The following SENP2 variants were observed in gnomAD, a reference collection of about 807,000 sequenced individuals.
The protein encoded by SENP2 is sentrin-specific protease 2.
SENP2 carries 16 observed loss-of-function variants against 86.3 expected under a neutral mutation model. That is an observed-to-expected ratio of 0.19 (90% confidence interval 0.13 to 0.28). The LOEUF is 0.28. Among genes scored for constraint, SENP2 ranks in the 10% least tolerant of loss-of-function variants. The pLI, the probability that SENP2 is intolerant of heterozygous loss-of-function variation, is 1.00. For synonymous variants in SENP2, 222 were observed against 238.7 expected (o/e 0.93, Z 0.64); for missense variants, 552 against 703.0 (o/e 0.79, Z 2.43).
rs74336964 is a variant in SENP2 at position 185,605,747 on chromosome 3, T to C, written c.450-583T>C. 2.7e-3 allele frequency among the ~76,000 whole-genome samples: 407 copies of C among 152,222 alleles called. 1 individual carries two copies. The highest frequency in any genetic ancestry group is 9.3e-3 in the African/African-American group (386 of 41,524). On this transcript the variant is annotated intron_variant, in intron 5 of 16. Transcript: ENST00000296257. ...GAAGGAGGGGCATGATGTCAGTTTG[T>C]TGCATTGTTGGTAATGGCAGGAAAG... is the stretch of plus-strand genomic sequence containing the variant.
rs368635058 is a variant in SENP2, at chr3:185,606,504, C to T, written c.618+6C>T. 6 of 1,565,832 alleles carry T rather than the reference C, an allele frequency of 3.8e-6. No homozygotes were observed. The highest frequency in any genetic ancestry group is 5.2e-6 in the Non-Finnish European group (6 of 1,162,326). ...CCCATTGTACTGTGGAGGAGGTAAG[C>T]CTTTTCAGCTTGATTTCTTTAAAAA... On this transcript the variant is annotated splice_donor_region_variant and intron_variant, in intron 6 of 16. Transcript: ENST00000296257.
rs907170904 is a variant in SENP2 at position 185,628,788 on chromosome 3, G to A, written c.1708-994G>A. On this transcript the variant is annotated intron_variant, in intron 16 of 16. Transcript: ENST00000296257. ...CCCAAAGTGCTGGGATTACAGGCGT[G>A]AGCCACCGCGCCTGGCCAAGAATGT... Among the ~76,000 whole-genome samples the A allele has an allele frequency of 3.3e-4, 50 of 152,330 alleles. 1 individual carries two copies. The highest frequency in any genetic ancestry group is 1.2e-3 in the African/African-American group (49 of 41,560).
Position 185,626,399 on chromosome 3 carries a change from T to G in SENP2, c.1707+6T>G. On this transcript the variant is annotated splice_donor_region_variant and intron_variant, in intron 16 of 16. Coordinates refer to ENST00000296257, the MANE Select transcript of SENP2 (RefSeq NM_021627.3). ...AACCTATCACATTTACTCAGGTGAG[T>G]GAAGACCCTCTTCATCCATTTACTT... 6.4e-7 allele frequency: 1 copy of G among 1,570,256 alleles called. No homozygotes were observed. The highest frequency in any genetic ancestry group is 1.1e-5 in the South Asian group (1 of 89,324).
intron 16 of SENP2, among the ~76,000 whole-genome samples, chr3:185,628,129 T>TTTATTATTA (rs145966423): frequency 2.6e-5 from 4 of 151,676 alleles, no homozygotes; most frequent in East Asian, 3.9e-4. Context: ...ACATCACTAG[T>TTTATTATTA]TTATTATTAT....
intron 6 of SENP2, 86 bp downstream of exon 6, chr3:185,606,584 C>T (rs1039662239): frequency 3.4e-5 from 39 of 1,143,906 alleles, no homozygotes; most frequent in African/African-American, 6.2e-5. Context: ...AATGGTTCAA[C>T]GTTTGACATA....
intron 10 of SENP2, 101 bp from the exon 11 acceptor site, chr3:185,614,463 T>C: frequency 8.7e-7 from 1 of 1,146,646 alleles, no homozygotes; most frequent in East Asian, 2.4e-5. Flanking sequence ...CTAATTCTCT[T>C]TTCTTTCACA....
At position 185,593,010 on chromosome 3, in the gene SENP2, T is replaced by TA. The variant is rs950435811; in HGVS notation, c.157+2848dup. Among the ~76,000 whole-genome samples, 5 of 152,142 alleles carry TA rather than the reference T, an allele frequency of 3.3e-5. 1 individual carries two copies. Among genetic ancestry groups the TA allele is most frequent in the African/African-American group, 1.2e-4 (5 of 41,518 alleles). ...CTAATGTCAATGAAAATATAAAAAA[T>TA]AAAAAAACAAAGATAGTAACAAAAT... On this transcript the variant is annotated intron_variant, in intron 2 of 16. Transcript: ENST00000296257.
At chr3:185,625,135 G>A (rs1380795790) in intron 15 of SENP2, among the ~76,000 whole-genome samples, 3 of 149,976 alleles carry the variant, frequency 2.0e-5, no homozygotes, top group South Asian at 2.1e-4. Flanking sequence ...TTTTTGAGAC[G>A]GAGTCTCGCT....
intron 2 of SENP2, among the ~76,000 whole-genome samples, chr3:185,595,220 A>G (rs1722136985): frequency 6.6e-6 from 1 of 152,144 alleles, no homozygotes; most frequent in African/African-American, 2.4e-5. Context: ...AAATATTATG[A>G]TATTGTTTAG....
chr3:185,614,065 T>G (rs1711508607), intron 10 of SENP2, among the ~76,000 whole-genome samples: 1 of 152,188 alleles, frequency 6.6e-6, no homozygotes, highest in African/African-American at 2.4e-5. Context: ...TCTATTTGTT[T>G]ACTACAATTG....
At chr3:185,614,880 A>G (rs1456238603) in intron 11 of SENP2, 140 bp downstream of exon 11, 3 of 743,406 alleles carry the variant, frequency 4.0e-6, no homozygotes, top group Non-Finnish European at 6.5e-6. Flanking sequence ...TGGTCTGTTG[A>G]TTCACTTTGA....
In SENP2 at chr3:185,586,974, T is replaced by C. The variant is rs975489828; in HGVS notation, c.101+460T>C. Among the ~76,000 whole-genome samples the C allele has an allele frequency of 6.6e-6, 1 of 152,168 alleles. No individual in the cohort carries two copies. Among genetic ancestry groups the C allele is most frequent in the African/African-American group, 2.4e-5 (1 of 41,442 alleles). ...CACCTGTTTTGTTCCAAAACAGCTGTCAAACAGTCTGTGTGTTTGGGGCCA... is the reference window on the plus strand; with the variant it reads ...CACCTGTTTTGTTCCAAAACAGCTGCCAAACAGTCTGTGTGTTTGGGGCCA... On this transcript the variant is annotated intron_variant, in intron 1 of 16. Transcript: ENST00000296257. The surrounding 1 kb of genome is among the most constrained non-coding windows in gnomAD (Gnocchi z 4.3).
chr3:185,592,007 A>ATTT (rs1261238822), intron 2 of SENP2, among the ~76,000 whole-genome samples: 9 of 35,080 alleles, frequency 2.6e-4, no homozygotes, highest in South Asian at 1.6e-3. Flanking sequence ...AACCGGTAAT[A>ATTT]TTTCTTTTTT....
intron 2 of SENP2, among the ~76,000 whole-genome samples, chr3:185,590,867 CAAAAAA>C (rs1196821162): frequency 6.4e-3 from 86 of 13,532 alleles, no homozygotes; most frequent in African/African-American, 0.016. Flanking sequence ...CACTCCATCT[CAAAAAA>C]AAAAAAAAAA....
chr3:185,625,456 A>G (rs1712102260), intron 15 of SENP2, among the ~76,000 whole-genome samples: 1 of 152,116 alleles, frequency 6.6e-6, no homozygotes, highest in African/African-American at 2.4e-5. Flanking sequence ...TTCTTTGAGT[A>G]AAAATTGAGC....
chr3:185,622,410 A>C (rs556745282), intron 14 of SENP2, among the ~76,000 whole-genome samples: 2 of 152,328 alleles, frequency 1.3e-5, no homozygotes, highest in East Asian at 1.9e-4. Context: ...TTGAGTGAGA[A>C]AACGCATCAG....
At chr3:185,589,984 A>G (rs1244048224) in intron 1 of SENP2, 130 bp from the exon 2 acceptor site, 7 of 488,868 alleles carry the variant, frequency 1.4e-5, no homozygotes, top group Non-Finnish European at 2.4e-5. Context: ...CTCTTTTAAA[A>G]CATCAGTTGG....
chr3:185,597,117 G>A (rs1045653198), intron 2 of SENP2, among the ~76,000 whole-genome samples: 8 of 152,080 alleles, frequency 5.3e-5, no homozygotes, highest in African/African-American at 1.2e-4. Flanking sequence ...CTCCCAAAGC[G>A]TTGGGATTAC....
At chr3:185,628,176 G>GC (rs1248665008) in intron 16 of SENP2, among the ~76,000 whole-genome samples, 1 of 152,020 alleles carries the variant, frequency 6.6e-6, no homozygotes, top group Non-Finnish European at 1.5e-5. Context: ...TTGCTCTGTT[G>GC]CCCAGGCTGG....
Sources: allele counts gnomAD v4.1 joint callset (sites outside exome capture counted in the v4.1 genomes callset), GRCh38; gene constraint gnomAD v4.1.1; non-coding constraint Gnocchi (gnomAD v3.1); transcripts MANE v1.5; gene names NCBI Gene and HGNC (gene_info 2026-07-23, HGNC 2026-07-21).